Variants in SPATA17 observed in about 807,000 individuals in gnomAD.
The protein encoded by SPATA17 is spermatogenesis-associated protein 17.
SPATA17 carries 53 observed loss-of-function variants against 62.2 expected under a neutral mutation model. The observed-to-expected ratio is 0.85, with a 90% CI of 0.68 to 1.07. The LOEUF is 1.07. Among genes scored for constraint, SPATA17 ranks in the 50% least tolerant of loss-of-function variants. The pLI, the probability that SPATA17 is intolerant of heterozygous loss-of-function variation, is 0.00. For synonymous variants in SPATA17, 146 were observed against 146.8 expected, an observed-to-expected ratio of 0.99 and a Z score of 0.04; for missense variants, 466 against 425.5, an observed-to-expected ratio of 1.10 and a Z score of -0.84.
At chr1:217,842,014 G>T (rs1675416880) in intron 9 of SPATA17, among the ~76,000 whole-genome samples, 1 of 151,468 alleles carries the variant, frequency 6.6e-6, no homozygotes, top group Non-Finnish European at 1.5e-5. Context: ...GTTTTGCTAG[G>T]AGATTATTAT....
At chr1:217,777,239 T>A (rs1338881350) in intron 7 of SPATA17, among the ~76,000 whole-genome samples, 1 of 152,180 alleles carries the variant, frequency 6.6e-6, no homozygotes, top group Admixed American at 6.5e-5. Context: ...TTTTTTTTAC[T>A]CTCTCAAAAC....
chr1:217,642,273 CTATG>C (rs1254196789), intron 1 of SPATA17, among the ~76,000 whole-genome samples: 1 of 152,042 alleles, frequency 6.6e-6, no homozygotes, highest in Non-Finnish European at 1.5e-5. Flanking sequence ...TCATTTGAAA[CTATG>C]TATGTATCCT....
rs34179742 is a variant in SPATA17 at position 217,656,546 on chromosome 1, A to ATATGTATGTATGTATG, written c.240+5388_240+5403dup. 5.2e-3 allele frequency among the ~76,000 whole-genome samples: 776 copies of ATATGTATGTATGTATG among 150,618 alleles called. 3 individuals are homozygous for ATATGTATGTATGTATG. The highest frequency in any genetic ancestry group is 0.017 in the Middle Eastern group (5 of 294). Reference sequence around the variant, plus strand: ...TAAGCTCCTTGGGAATAGGTCTGATATATGTATGTATGTATGTATGTATGT... The same window carrying ATATGTATGTATGTATG: ...TAAGCTCCTTGGGAATAGGTCTGATATATGTATGTATGTATGTATGTATGTATGTATGTATGTATGT... On this transcript the variant is annotated intron_variant, in intron 3 of 10. Coordinates refer to ENST00000366933, the MANE Select transcript of SPATA17 (RefSeq NM_138796.4).
chr1:217,699,138 A>G (rs1671532981), intron 5 of SPATA17, among the ~76,000 whole-genome samples: 1 of 152,080 alleles, frequency 6.6e-6, no homozygotes, highest in African/African-American at 2.4e-5. Flanking sequence ...TCTATTTTGG[A>G]GCTTTTATGA....
chr1:217,668,953 C>T, intron 3 of SPATA17, 80 bp from the exon 4 acceptor site: 3 of 1,211,288 alleles, frequency 2.5e-6, no homozygotes, highest in Non-Finnish European at 3.6e-6. Context: ...TATAAAGATT[C>T]TTATCTTTTA....
chr1:217,736,819 G>C (rs1305014166), intron 5 of SPATA17, among the ~76,000 whole-genome samples: 1 of 152,120 alleles, frequency 6.6e-6, no homozygotes, highest in East Asian at 1.9e-4. Flanking sequence ...AATAGCAAAT[G>C]GAAAACATAT....
At chr1:217,860,784 C>T (rs1450847698) in intron 9 of SPATA17, among the ~76,000 whole-genome samples, 2 of 151,904 alleles carry the variant, frequency 1.3e-5, no homozygotes, top group African/African-American at 2.4e-5. Context: ...TCTTTTTTAT[C>T]CAGTCTTGTT....
intron 9 of SPATA17, among the ~76,000 whole-genome samples, chr1:217,815,142 C>T (rs922934789): frequency 2.6e-5 from 4 of 152,100 alleles, no homozygotes; most frequent in African/African-American, 9.7e-5. Flanking sequence ...GCTTAAGTAT[C>T]TTTCTGTGAC....
chr1:217,851,137 T>C (rs1378902961), intron 9 of SPATA17, among the ~76,000 whole-genome samples: 1 of 152,178 alleles, frequency 6.6e-6, no homozygotes, highest in African/African-American at 2.4e-5. Flanking sequence ...TAGTGAATAT[T>C]CTTCAGTGTG....
Position 217,688,638 on chromosome 1 carries a change from C to T in SPATA17, c.395+5277C>T, listed in dbSNP as rs1234055030. On this transcript the variant is annotated intron_variant, in intron 5 of 10. Coordinates refer to ENST00000366933, the MANE Select transcript of SPATA17 (RefSeq NM_138796.4). ...TTCCTTAGACTTCCAAGCCTTTGCACGTGCCATTCTCTTAATCCCTCATCT... is the reference window on the plus strand; with the variant it reads ...TTCCTTAGACTTCCAAGCCTTTGCATGTGCCATTCTCTTAATCCCTCATCT... 5.3e-5 allele frequency among the ~76,000 whole-genome samples: 8 copies of T among 152,154 alleles called. No individual in the cohort carries two copies. The South Asian group carries it at 6.2e-4, about 12-fold the overall frequency.
At chr1:217,665,884 C>A (rs545570594) in intron 3 of SPATA17, among the ~76,000 whole-genome samples, 1 of 152,210 alleles carries the variant, frequency 6.6e-6, no homozygotes, top group East Asian at 1.9e-4. Flanking sequence ...GGTAATATGA[C>A]AAAGGCCACA....
intron 6 of SPATA17, among the ~76,000 whole-genome samples, chr1:217,762,629 A>G (rs1673198229): frequency 6.6e-6 from 1 of 152,196 alleles, no homozygotes; most frequent in East Asian, 1.9e-4. Flanking sequence ...TATGGAGATA[A>G]GCAATAGTTA....
chr1:217,860,926 C>T (rs1675885267), intron 9 of SPATA17, among the ~76,000 whole-genome samples: 2 of 152,194 alleles, frequency 1.3e-5, no homozygotes. Context: ...CTAGTCTTCT[C>T]TAGTTTTAAA....
chr1:217,708,073 C>T (rs1299742854), intron 5 of SPATA17, among the ~76,000 whole-genome samples: 4 of 152,126 alleles, frequency 2.6e-5, no homozygotes, highest in Non-Finnish European at 5.9e-5. Flanking sequence ...GGGAGAATTT[C>T]ATAATGCTAA....
rs35656898 is a variant in SPATA17, at chr1:217,822,634, C to CTA, written c.1005+20797_1005+20798dup. On this transcript the variant is annotated intron_variant, in intron 9 of 10. Transcript: ENST00000366933. ...TGATATATAATGATATGATGTATAT[C>CTA]TATATATATATATAAAATAAATATA... Among the ~76,000 whole-genome samples, 55 of 146,572 alleles carry CTA rather than the reference C, an allele frequency of 3.8e-4. No homozygotes were observed. In the South Asian group the frequency reaches 4.0e-3, roughly 11 times the overall value.
chr1:217,795,362 CT>C (rs71560537), intron 8 of SPATA17, among the ~76,000 whole-genome samples: 115 of 69,546 alleles, frequency 1.7e-3, no homozygotes, highest in South Asian at 4.4e-3. Context: ...ACAAAAGTCT[CT>C]TTTTTTTTTT....
At chr1:217,676,269 A>C (rs1479435547) in intron 4 of SPATA17, among the ~76,000 whole-genome samples, 1 of 152,138 alleles carries the variant, frequency 6.6e-6, no homozygotes, top group African/African-American at 2.4e-5. Flanking sequence ...TCCTGCTCCA[A>C]TTTTAAATGG....
intron 5 of SPATA17, among the ~76,000 whole-genome samples, chr1:217,689,221 C>CTTTTTTTTTTT (rs200885875): frequency 1.9e-5 from 2 of 102,600 alleles, no homozygotes; most frequent in Non-Finnish European, 1.8e-5. Context: ...TTTATTATGT[C>CTTTTTTTTTTT]TTTTTTTTTT....
At chr1:217,798,265 A>G (rs917312722) in intron 8 of SPATA17, among the ~76,000 whole-genome samples, 1 of 152,324 alleles carries the variant, frequency 6.6e-6, no homozygotes, top group Admixed American at 6.5e-5. Flanking sequence ...ATGATGTTCA[A>G]TTACTCAAAT....
Sources: allele counts gnomAD v4.1 joint callset (sites outside exome capture counted in the v4.1 genomes callset), GRCh38; gene constraint gnomAD v4.1.1; transcripts MANE v1.5; gene names NCBI Gene and HGNC (gene_info 2026-07-23, HGNC 2026-07-21).